Variants in BTN2A2 observed in about 807,000 individuals in gnomAD.
The protein encoded by BTN2A2 is butyrophilin subfamily 2 member A2.
BTN2A2 carries 29 observed loss-of-function variants against 34.7 expected under a neutral mutation model. The ratio of observed to expected loss-of-function variants is 0.84; its 90% CI spans 0.62 to 1.14. The LOEUF (loss-of-function observed/expected upper bound fraction) is 1.14, where lower values mean the gene tolerates loss of function less well. Among genes scored for constraint, BTN2A2 ranks in the 50% most tolerant of loss-of-function variants. The pLI is 0.00. For synonymous variants in BTN2A2, 240 were observed against 253.1 expected (o/e 0.95, Z 0.49); for missense variants, 612 against 651.5 (o/e 0.94, Z 0.66).
In BTN2A2 at chr6:26,384,989, T is replaced by C; in HGVS notation, c.95-26T>C. ...TTAGAGTTGTGATAACTGGCATCCT[T>C]GTCTGATTCTGCCCTTGTTGAACAG... On this transcript the variant is annotated intron_variant, in intron 2 of 7. Coordinates refer to ENST00000356709, the MANE Select transcript of BTN2A2 (RefSeq NM_006995.5). The surrounding 1 kb of genome is among the most constrained non-coding windows in gnomAD (Gnocchi z 4.0). 1 of 1,598,998 alleles carries C rather than the reference T, an allele frequency of 6.3e-7. No homozygotes were observed. Among genetic ancestry groups the C allele is most frequent in the Non-Finnish European group, 8.6e-7 (1 of 1,168,088 alleles).
chr6:26,385,148 C>T lies in BTN2A2; in HGVS notation c.228C>T (p.Ser76=), dbSNP rs760623542. Residue 76 remains serine (S), a synonymous_variant, in exon 3 of 8, where the codon TCC becomes TCT. Transcript: ENST00000356709. ...MEVRWFRSQF[S]PAVFVYKGGR... is the part of the protein sequence containing the mutation. ...TGCGGTGGTTCCGGTCTCAGTTCTC[C>T]CCCGCAGTGTTTGTGTATAAGGGTG... 28 of 1,613,830 alleles carry T rather than the reference C, an allele frequency of 1.7e-5. No individual in the cohort carries two copies. The highest frequency in any genetic ancestry group is 2.3e-5 in the Non-Finnish European group (27 of 1,179,968).
Position 26,393,051 on chromosome 6 carries a change from G to T in BTN2A2, c.*84G>T. On this transcript the variant is annotated 3_prime_UTR_variant, in exon 8 of 8. Transcript: ENST00000356709. ...GCACAACCCCCCTAATGAAAGACAC[G>T]CCCTCCTCCCCTCTGGTCACGTAAG... The T allele has an allele frequency of 6.2e-7, 1 of 1,612,232 alleles. No homozygotes were observed. Among genetic ancestry groups the T allele is most frequent in the South Asian group, 1.1e-5 (1 of 90,792 alleles).
Position 26,385,348 on chromosome 6 carries a change from G to T in BTN2A2, c.428G>T (p.Arg143Leu), listed in dbSNP as rs201687793. ...EGRSYDEAIL[R>L]LVVAGLGSKP... ...AGGTCCTACGATGAGGCCATCCTAC[G>T]CCTCGTGGTGGCAGGTGCATCACTT... The change falls in exon 3 of 8, where the codon CGC (arginine) becomes CTC (leucine). Residue 143 changes from arginine (R) to leucine (L), a missense_variant. By Grantham distance (102) the Arg-to-Leu change is moderately radical. Transcript: ENST00000356709. The T allele has an allele frequency of 1.9e-6, 3 of 1,612,542 alleles. No homozygotes were observed. Among genetic ancestry groups the T allele is most frequent in the Admixed American group, 1.7e-5 (1 of 59,966 alleles).
Position 26,383,762 on chromosome 6 carries a change from T to G in BTN2A2, c.-30-30T>G. The G allele has an allele frequency of 6.4e-7, 1 of 1,560,536 alleles. No individual in the cohort carries two copies. The highest frequency in any genetic ancestry group is 2.2e-5 in the East Asian group (1 of 44,586). On this transcript the variant is annotated intron_variant, in intron 1 of 7. Transcript: ENST00000356709. The surrounding 1 kb of genome is among the most constrained non-coding windows in gnomAD (Gnocchi z 4.4). ...ACCAGCACTGAGGTGCCAAGACTCC[T>G]AGGCTGATTCTCCTCCTCTGTAACC...
chr6:26,387,025 C>A (rs1316743369), intron 3 of BTN2A2, among the ~76,000 whole-genome samples: 1 of 152,204 alleles, frequency 6.6e-6, no homozygotes, highest in Non-Finnish European at 1.5e-5. Context: ...TGGATGATCA[C>A]GCATGGCTGA....
rs372706575 is a variant in BTN2A2 at position 26,392,440 on chromosome 6, G to A, written c.1045G>A (p.Val349Met). 1.1e-5 allele frequency: 18 copies of A among 1,614,264 alleles called. No individual in the cohort carries two copies. In the East Asian group the frequency reaches 1.3e-4, roughly 12 times the overall value. The change falls in exon 8 of 8, where the codon GTG (valine) becomes ATG (methionine). Residue 349 changes from valine (V) to methionine (M), a missense_variant. Physicochemically the swap from Val to Met is conservative, Grantham distance 21 (BLOSUM62 1). Transcript: ENST00000356709. ...ELFLSEDRRS[V>M]RRGPYRQRVP... ...CTTCCTGTCAGAGGACCGGAGAAGT[G>A]TGAGGCGGGGCCCCTACAGGCAGAG...
chr6:26,383,711 T>C lies in BTN2A2; in HGVS notation c.-30-81T>C, dbSNP rs1056194828. On this transcript the variant is annotated intron_variant, in intron 1 of 7. Coordinates refer to ENST00000356709, the MANE Select transcript of BTN2A2 (RefSeq NM_006995.5). The surrounding 1 kb of genome is among the most constrained non-coding windows in gnomAD (Gnocchi z 4.4). Reference sequence around the variant, plus strand: ...AAGTTGGGGCACCGATGAGACCTACTTGAGTGACAGGAGAGGTTGGGCCCG... The same window carrying C: ...AAGTTGGGGCACCGATGAGACCTACCTGAGTGACAGGAGAGGTTGGGCCCG... 4 of 1,086,630 alleles carry C rather than the reference T, an allele frequency of 3.7e-6. No homozygotes were observed. The African/African-American group carries it at 4.7e-5, about 13-fold the overall frequency. The allele number at this position is 1,086,630 out of a possible 1,614,324, so 67.3% of individuals were successfully genotyped here. A position where few individuals can be genotyped will look rare whatever the true frequency, so the allele number is the denominator to read the frequency against.
At chr6:26,390,910 A>G in intron 7 of BTN2A2, 81 bp downstream of exon 7, 2 of 1,605,306 alleles carry the variant, frequency 1.2e-6, no homozygotes, top group Non-Finnish European at 1.7e-6. Context: ...GAGATGAGCA[A>G]GGGGCCCAGG....
At chr6:26,391,935 G>A in intron 7 of BTN2A2, 2 of 450,300 alleles carry the variant, frequency 4.4e-6, no homozygotes, top group Non-Finnish European at 8.1e-6. Flanking sequence ...TGTAATGATA[G>A]ACTCACTTAA....
rs199832316 is a variant in BTN2A2, at chr6:26,392,683, C to G, written c.1288C>G (p.Leu430Val). The change falls in exon 8 of 8, where the codon CTG (leucine) becomes GTG (valine). Residue 430 changes from leucine to valine, a missense_variant. Coordinates refer to ENST00000356709, the MANE Select transcript of BTN2A2 (RefSeq NM_006995.5). Reference sequence around the variant, plus strand: ...GATGTTTGGAAACCAATACCGGGCCCTGTCCTCCCCTGAGAGGATTCTCCC... The same window carrying G: ...GATGTTTGGAAACCAATACCGGGCCGTGTCCTCCCCTGAGAGGATTCTCCC... ...LEMFGNQYRALSSPERILPLK... is the reference protein window; with the variant it reads ...LEMFGNQYRAVSSPERILPLK... 339 of 1,614,202 alleles carry G rather than the reference C, an allele frequency of 2.1e-4. No individual in the cohort carries two copies. The highest frequency in any genetic ancestry group is 3.2e-4 in the African/African-American group (24 of 75,052).
At chr6:26,392,298 C>T in intron 7 of BTN2A2, 77 bp from the exon 8 acceptor site, 1 of 1,609,084 alleles carries the variant, frequency 6.2e-7, no homozygotes, top group South Asian at 1.1e-5. Flanking sequence ...CTTTCTGAGA[C>T]TTCTCTGGGG....
chr6:26,383,726 G>A lies in BTN2A2; in HGVS notation c.-30-66G>A, dbSNP rs372037327. On this transcript the variant is annotated intron_variant, in intron 1 of 7. Transcript: ENST00000356709. This position sits in a 1 kb window ranked among gnomAD's most constrained non-coding sequence, Gnocchi z 4.4. The stretch of plus-strand genomic sequence containing the variant: ...TGAGACCTACTTGAGTGACAGGAGA[G>A]GTTGGGCCCGACCAGCACTGAGGTG... The A allele has an allele frequency of 1.4e-5, 18 of 1,278,180 alleles. No individual in the cohort carries two copies. The African/African-American group carries it at 2.5e-4, about 18-fold the overall frequency. The allele number at this position is 1,278,180 out of a possible 1,614,324, so 79.2% of individuals were successfully genotyped here. A position where few individuals can be genotyped will look rare whatever the true frequency, so the allele number is the denominator to read the frequency against.
chr6:26,393,795 G>A lies in BTN2A2; in HGVS notation c.*828G>A. 2.0e-6 allele frequency: 2 copies of A among 979,768 alleles called. No homozygotes were observed. The highest frequency in any genetic ancestry group is 2.4e-6 in the Non-Finnish European group (2 of 824,632). 60.7% of individuals were successfully genotyped at this position (979,768 alleles called of 1,614,324 possible). A position where few individuals can be genotyped will look rare whatever the true frequency, so the allele number is the denominator to read the frequency against. ...ATCTAATTATGTTTTTAGACACTTA[G>A]AAGTTATTGAGGACTTTAAAGAGCT... On this transcript the variant is annotated 3_prime_UTR_variant, in exon 8 of 8. Transcript: ENST00000356709.
intron 4 of BTN2A2, 55 bp downstream of exon 4, chr6:26,388,349 AG>A: frequency 6.3e-7 from 1 of 1,590,196 alleles, no homozygotes; most frequent in Non-Finnish European, 8.6e-7. Context: ...CTCAGCACCC[AG>A]ATGGAGCCCA....
Position 26,392,375 on chromosome 6 carries a change from C to T in BTN2A2, c.980C>T (p.Ala327Val), listed in dbSNP as rs147646031. Residue 327 changes from alanine (A) to valine (V), a missense_variant and splice_region_variant, in exon 8 of 8, where the codon GCT becomes GTT. Coordinates refer to ENST00000356709, the MANE Select transcript of BTN2A2 (RefSeq NM_006995.5). ...LRWRRTFLHA[A>V]DVVLDPDTAH... Reference sequence around the variant, plus strand: ...CATAAACCTGAGACTTCCTCTGCAGCTGATGTGGTCCTGGATCCAGACACC... The same window carrying T: ...CATAAACCTGAGACTTCCTCTGCAGTTGATGTGGTCCTGGATCCAGACACC... 4.3e-5 allele frequency: 70 copies of T among 1,614,090 alleles called. No individual in the cohort carries two copies. In the African/African-American group the frequency reaches 7.7e-4, roughly 18 times the overall value.
In BTN2A2 at chr6:26,393,305, C is replaced by G. The variant is rs1475176099; in HGVS notation, c.*338C>G. 1 of 1,268,038 alleles carries G rather than the reference C, an allele frequency of 7.9e-7. No homozygotes were observed. The highest frequency in any genetic ancestry group is 1.0e-6 in the Non-Finnish European group (1 of 992,604). 78.5% of individuals were successfully genotyped at this position (1,268,038 alleles called of 1,614,324 possible). A position where few individuals can be genotyped will look rare whatever the true frequency, so the allele number is the denominator to read the frequency against. On this transcript the variant is annotated 3_prime_UTR_variant, in exon 8 of 8. Coordinates refer to ENST00000356709, the MANE Select transcript of BTN2A2 (RefSeq NM_006995.5). ...GGATAACCACATTAAGCCCAATATG[C>G]CAGTTGGCACCAGATGCTGTGGACT...
rs1581586264 is a variant in BTN2A2, at chr6:26,383,839, T to C, written c.18T>C (p.Ala6=). 3 of 1,614,144 alleles carry C rather than the reference T, an allele frequency of 1.9e-6. No individual in the cohort carries two copies. Among genetic ancestry groups the C allele is most frequent in the South Asian group, 2.2e-5 (2 of 91,084 alleles). Residue 6 remains alanine (A), a synonymous_variant, in exon 2 of 8, where the codon GCT becomes GCC. Transcript: ENST00000356709. This position sits in a 1 kb window ranked among gnomAD's most constrained non-coding sequence, Gnocchi z 4.4. MEPAA[A]LHFSLPASLL... Reference sequence around the variant, plus strand: ...GGGTGCTCATGGAACCAGCTGCTGCTCTGCACTTCTCCCTGCCAGCCTCCC... The same window carrying C: ...GGGTGCTCATGGAACCAGCTGCTGCCCTGCACTTCTCCCTGCCAGCCTCCC...
Position 26,384,901 on chromosome 6 carries a change from C to G in BTN2A2, c.95-114C>G. ...AACCCCTGTAGCCTTGGAATATCTG[C>G]TTCCTTTCATCCCTGGAGTTTTTTT... On this transcript the variant is annotated intron_variant, in intron 2 of 7. Transcript: ENST00000356709. This position sits in a 1 kb window ranked among gnomAD's most constrained non-coding sequence, Gnocchi z 4.0. 2.6e-6 allele frequency: 3 copies of G among 1,133,772 alleles called. No homozygotes were observed. Among genetic ancestry groups the G allele is most frequent in the Non-Finnish European group, 3.7e-6 (3 of 810,064 alleles). The allele number at this position is 1,133,772 out of a possible 1,614,324, so 70.2% of individuals were successfully genotyped here.
intron 4 of BTN2A2, 73 bp from the exon 5 acceptor site, chr6:26,389,932 A>G: frequency 6.9e-7 from 1 of 1,443,332 alleles, no homozygotes; most frequent in Non-Finnish European, 9.5e-7. Context: ...AGCTCTTCAG[A>G]TGTGCTCTTA....
Sources: gnomAD v4.1 joint callset for allele counts (sites outside exome capture counted in the v4.1 genomes callset) on GRCh38, gnomAD v4.1.1 for gene constraint, Gnocchi (gnomAD v3.1) non-coding constraint, MANE v1.5 for transcripts, NCBI Gene and HGNC (gene_info 2026-07-23, HGNC 2026-07-21) for gene names.